Variants in HS3ST4 observed in about 807,000 individuals in gnomAD.
HS3ST4 encodes the protein heparan sulfate-glucosamine 3-sulfotransferase 4.
A neutral mutation model predicts 29.2 loss-of-function variants in HS3ST4; 17 were observed. That is an observed-to-expected ratio of 0.58 (90% CI 0.40 to 0.87). The LOEUF is 0.87. Ranked by LOEUF, HS3ST4 falls within the 40% of genes least tolerant of loss-of-function variation. HS3ST4 has a pLI of 0.00. For synonymous variants in HS3ST4, 314 were observed against 285.7 expected (o/e 1.10, Z -1.00); for missense variants, 627 against 634.5 (o/e 0.99, Z 0.13).
intron 1 of HS3ST4, among the ~76,000 whole-genome samples, chr16:25,782,214 C>T (rs1226965415): frequency 6.6e-6 from 1 of 152,200 alleles, no homozygotes; most frequent in Non-Finnish European, 1.5e-5. Context: ...AAACCGCCCC[C>T]ATAATCCAAT....
chr16:25,711,587 T>C (rs935394418), intron 1 of HS3ST4, among the ~76,000 whole-genome samples: 3 of 151,326 alleles, frequency 2.0e-5, no homozygotes, highest in Non-Finnish European at 4.4e-5. Flanking sequence ...ATGGTGAAGA[T>C]TTTTTTTTAG....
At chr16:26,071,462 T>C (rs2141777495) in intron 1 of HS3ST4, among the ~76,000 whole-genome samples, 1 of 152,228 alleles carries the variant, frequency 6.6e-6, no homozygotes, top group Admixed American at 6.5e-5. Context: ...ATCTCAATTT[T>C]TGAGAAGCTC....
At chr16:25,889,906 GCTCT>G (rs35191445) in intron 1 of HS3ST4, among the ~76,000 whole-genome samples, 86,636 of 150,592 alleles carry the variant, frequency 0.58, 25,255 homozygotes, top group East Asian at 0.72. Context: ...CCCTATACAT[GCTCT>G]CTCTCTCTCT....
At chr16:26,073,322 A>G (rs766875014) in intron 1 of HS3ST4, among the ~76,000 whole-genome samples, 11 of 152,040 alleles carry the variant, frequency 7.2e-5, no homozygotes, top group Non-Finnish European at 1.0e-4. Flanking sequence ...AGATTAGGCA[A>G]ATTTGGAGAT....
chr16:25,774,869 C>T, intron 1 of HS3ST4, among the ~76,000 whole-genome samples: 1 of 152,202 alleles, frequency 6.6e-6, no homozygotes, highest in East Asian at 1.9e-4. Context: ...ACCCACTGTC[C>T]CTGTCCCCAG....
At chr16:26,090,205 C>T (rs1898839503) in intron 1 of HS3ST4, among the ~76,000 whole-genome samples, 2 of 151,994 alleles carry the variant, frequency 1.3e-5, no homozygotes, top group South Asian at 4.2e-4. Flanking sequence ...CCCAAGATTA[C>T]ACAACTGAAA....
chr16:26,010,395 G>A (rs770247307), intron 1 of HS3ST4, among the ~76,000 whole-genome samples: 27 of 151,820 alleles, frequency 1.8e-4, no homozygotes, highest in African/African-American at 6.1e-4. Flanking sequence ...CAGAGGTTAC[G>A]GTGAGCCGAG....
intron 1 of HS3ST4, among the ~76,000 whole-genome samples, chr16:25,979,964 C>T (rs4787794): frequency 0.9 from 137,176 of 152,116 alleles, 62,031 homozygotes; most frequent in Admixed American, 0.94. Context: ...ACTCTGCTAC[C>T]TCCATTCCAT....
At chr16:25,892,347 T>G (rs1968018110) in intron 1 of HS3ST4, among the ~76,000 whole-genome samples, 1 of 152,186 alleles carries the variant, frequency 6.6e-6, no homozygotes, top group South Asian at 2.1e-4. Context: ...CAAAACATTA[T>G]GACCCCGAAC....
chr16:25,737,973 C>T (rs1307025984), intron 1 of HS3ST4, among the ~76,000 whole-genome samples: 3 of 149,248 alleles, frequency 2.0e-5, no homozygotes, highest in Non-Finnish European at 4.4e-5. Context: ...GGAGCAATCT[C>T]GGCTCACTGC....
intron 1 of HS3ST4, among the ~76,000 whole-genome samples, chr16:25,981,292 G>A (rs1169965699): frequency 1.3e-5 from 2 of 151,858 alleles, no homozygotes; most frequent in East Asian, 1.9e-4. Context: ...AGCTGAGATC[G>A]TGCCATTGCA....
rs370477899 is a variant in HS3ST4 at position 25,857,899 on chromosome 16, T to TCTTCCTTC, written c.734+164764_734+164771dup. Among the ~76,000 whole-genome samples, 533 of 93,556 alleles carry TCTTCCTTC rather than the reference T, an allele frequency of 5.7e-3. 18 individuals carry two copies. Among genetic ancestry groups the TCTTCCTTC allele is most frequent in the Middle Eastern group, 0.023 (4 of 176 alleles). 61.4% of individuals were successfully genotyped at this position (93,556 alleles called of 152,430 possible). On this transcript the variant is annotated intron_variant, in intron 1 of 1. Coordinates refer to ENST00000331351, the MANE Select transcript of HS3ST4 (RefSeq NM_006040.3). ...TTCTCTTTCTTTCTTTCTTTTTCTT[T>TCTTCCTTC]CTTCCTTCCTTCCTTCCTTCCTTTC... is the stretch of plus-strand genomic sequence containing the variant.
At chr16:26,021,824 C>G (rs1969416498) in intron 1 of HS3ST4, among the ~76,000 whole-genome samples, 1 of 151,572 alleles carries the variant, frequency 6.6e-6, no homozygotes. Flanking sequence ...CTGCCACAAC[C>G]AGCTAATTTT....
chr16:25,882,421 A>G (rs905698063), intron 1 of HS3ST4, among the ~76,000 whole-genome samples: 1 of 152,180 alleles, frequency 6.6e-6, no homozygotes, highest in African/African-American at 2.4e-5. Flanking sequence ...GTTGGAAGGC[A>G]GGGGAGCAGA....
chr16:25,982,856 C>T (rs1217450587), intron 1 of HS3ST4, among the ~76,000 whole-genome samples: 1 of 152,144 alleles, frequency 6.6e-6, no homozygotes. Flanking sequence ...AAAATCTCTT[C>T]AACTCTTCTT....
chr16:26,059,786 TA>T (rs1356943788), intron 1 of HS3ST4, among the ~76,000 whole-genome samples: 6 of 152,172 alleles, frequency 3.9e-5, no homozygotes, highest in African/African-American at 7.2e-5. Context: ...ATTTTATTTT[TA>T]TTTTTTTTGA....
At chr16:25,749,265 G>T (rs1297375255) in intron 1 of HS3ST4, among the ~76,000 whole-genome samples, 1 of 152,154 alleles carries the variant, frequency 6.6e-6, no homozygotes, top group Non-Finnish European at 1.5e-5. Flanking sequence ...AGGCCTAGGT[G>T]GGCAAATTGC....
chr16:25,717,496 G>A (rs1192898462), intron 1 of HS3ST4, among the ~76,000 whole-genome samples: 1 of 147,474 alleles, frequency 6.8e-6, no homozygotes, highest in Non-Finnish European at 1.5e-5. Flanking sequence ...TGAAGGATGA[G>A]TAGAAGGTGA....
chr16:26,110,351 T>G (rs1899112705), intron 1 of HS3ST4, among the ~76,000 whole-genome samples: 1 of 152,216 alleles, frequency 6.6e-6, no homozygotes, highest in African/African-American at 2.4e-5. Context: ...ATGTCTTGGC[T>G]CAGAATATTT....
Sources: gnomAD v4.1 joint callset for allele counts (sites outside exome capture counted in the v4.1 genomes callset) on GRCh38, gnomAD v4.1.1 for gene constraint, MANE v1.5 for transcripts, NCBI Gene and HGNC (gene_info 2026-07-23, HGNC 2026-07-21) for gene names.